ITIH6: variants seen among roughly 807,000 people sequenced by gnomAD.
ITIH6 encodes the protein inter-alpha-trypsin inhibitor heavy chain H6.
A neutral mutation model predicts 58.2 loss-of-function variants in ITIH6; 60 were observed. The observed-to-expected ratio is 1.03, with a 90% CI of 0.84 to 1.28. The LOEUF (loss-of-function observed/expected upper bound fraction) is 1.28. Among genes scored for constraint, ITIH6 ranks in the 50% most tolerant of loss-of-function variants. The pLI is 0.00. For missense variants in ITIH6, 1,290 were observed against 1,021.1 expected (o/e 1.26, Z -3.59); for synonymous variants, 493 against 417.4 (o/e 1.18, Z -2.21).
rs761084690 is a variant in ITIH6 at position 54,768,597 on chromosome X, A to C, written c.903+5484T>G. On this transcript the variant is annotated intron_variant, in intron 6 of 12. Coordinates refer to ENST00000218436, the MANE Select transcript of ITIH6 (RefSeq NM_198510.3). ...TTTAGGGCAGGCCTGGTGGTGACAA[A>C]ATCGGTCAGCATTTGCTTGTCTGTA... Among the ~76,000 whole-genome samples the C allele has an allele frequency of 4.6e-5, 5 of 108,211 alleles. No homozygotes were observed. The East Asian group carries it at 1.1e-3, about 25-fold the overall frequency. 94.0% of individuals were successfully genotyped at this position (108,211 alleles called of 115,157 possible). A position where few individuals can be genotyped will look rare whatever the true frequency, so the allele number is the denominator to read the frequency against.
intron 5 of ITIH6, among the ~76,000 whole-genome samples, chrX:54,782,330 C>T (rs902397691): frequency 6.3e-5 from 7 of 111,460 alleles, no homozygotes; most frequent in South Asian, 3.8e-4. Context: ...GCAGGAGAAT[C>T]GCTTGAACGC....
chrX:54,767,077 G>T (rs1027561146), intron 6 of ITIH6, among the ~76,000 whole-genome samples: 2 of 110,602 alleles, frequency 1.8e-5, no homozygotes, highest in African/African-American at 6.7e-5. Flanking sequence ...TCCTGTTATT[G>T]GTCTATTCAG....
At chrX:54,781,110 TAAACGTA>T (rs1231743927) in intron 5 of ITIH6, among the ~76,000 whole-genome samples, 2 of 111,367 alleles carry the variant, frequency 1.8e-5, no homozygotes, top group African/African-American at 6.5e-5. Context: ...TTTAAAAACT[TAAACGTA>T]AAACCCAAAA....
intron 6 of ITIH6, among the ~76,000 whole-genome samples, chrX:54,769,116 C>T (rs1175384869): frequency 1.1e-5 from 1 of 93,447 alleles, no homozygotes; most frequent in African/African-American, 4.2e-5. Flanking sequence ...CTTCTCGCTT[C>T]ATTTCATTCA....
intron 9 of ITIH6, 113 bp from the exon 10 acceptor site, chrX:54,754,078 T>C: frequency 1.3e-6 from 1 of 755,098 alleles, no homozygotes; most frequent in South Asian, 2.5e-5. Context: ...ATTTAAGGCT[T>C]TTCTGAAATC....
In ITIH6 at chrX:54,758,726, G is replaced by A. The variant is rs746734650; in HGVS notation, c.1348C>T (p.Arg450Trp). ...GCATCAGTGTCCTCATATATGCGCC[G>A]GGCTATTCCCCGGTTTTCCAGGGAC... is the stretch of plus-strand genomic sequence containing the variant. Reference protein sequence around the residue: ...RLSLENRGIARRIYEDTDAAL... With the variant: ...RLSLENRGIAWRIYEDTDAAL... Residue 450 changes from arginine (R) to tryptophan (W), a missense_variant, in exon 8 of 13, where the codon CGG becomes TGG. Arg to Trp is a moderately radical substitution (Grantham distance 101). Transcript: ENST00000218436. The A allele has an allele frequency of 1.2e-5, 15 of 1,211,239 alleles. No individual in the cohort carries two copies. The South Asian group carries it at 2.3e-4, about 18-fold the overall frequency.
At chrX:54,769,922 C>G (rs370023464) in intron 6 of ITIH6, among the ~76,000 whole-genome samples, 1,963 of 103,256 alleles carry the variant, frequency 0.019, 56 homozygotes, top group African/African-American at 0.067. Flanking sequence ...TCGAGCTTCC[C>G]GGCTGCTTTG....
At chrX:54,785,822 C>T (rs1929232895) in intron 5 of ITIH6, among the ~76,000 whole-genome samples, 1 of 111,652 alleles carries the variant, frequency 9.0e-6, no homozygotes, top group African/African-American at 3.3e-5. Context: ...GATGGGGCAG[C>T]TGAGGGTATC....
intron 5 of ITIH6, among the ~76,000 whole-genome samples, chrX:54,788,151 G>C (rs937134428): frequency 8.9e-6 from 1 of 111,904 alleles, no homozygotes; most frequent in Non-Finnish European, 1.9e-5. Context: ...TGCAGAACGC[G>C]TGAGAATCCA....
intron 12 of ITIH6, among the ~76,000 whole-genome samples, chrX:54,750,440 CTT>C: frequency 1.8e-5 from 2 of 111,356 alleles, no homozygotes; most frequent in Middle Eastern, 9.2e-3. Context: ...CACTGTCACT[CTT>C]TGATGTGAGC....
Position 54,754,804 on chromosome X carries a change from G to T in ITIH6, c.3202+213C>A, listed in dbSNP as rs1477416982. 3.6e-5 allele frequency among the ~76,000 whole-genome samples: 4 copies of T among 112,312 alleles called. No homozygotes were observed. In the East Asian group the frequency reaches 8.4e-4, roughly 23 times the overall value. ...TCAATCTTGTGAGATCCTGAGCAGA[G>T]AATCTAACTAAGCTATTTCTAGACT... On this transcript the variant is annotated intron_variant, in intron 9 of 12. Transcript: ENST00000218436.
In ITIH6 at chrX:54,757,336, C is replaced by A; in HGVS notation, c.2738G>T (p.Gly913Val). The change falls in exon 8 of 13, where the codon GGT becomes GTT. Residue 913 changes from glycine to valine, a missense_variant. Gly to Val is a moderately radical substitution (Grantham distance 109). Transcript: ENST00000218436. ...TFPNTISSST[G>V]PSSTTTTSVL... is the part of the protein sequence containing the mutation. Reference sequence around the variant, plus strand: ...AGAGGTGGTTGTGGTACTGCTGGGACCTGTGGAACTTGAGATTGTATTTGG... The same window carrying A: ...AGAGGTGGTTGTGGTACTGCTGGGAACTGTGGAACTTGAGATTGTATTTGG... The A allele has an allele frequency of 8.3e-7, 1 of 1,202,760 alleles. No homozygotes were observed. Among genetic ancestry groups the A allele is most frequent in the Non-Finnish European group, 1.1e-6 (1 of 890,799 alleles).
rs748866084 is a variant in ITIH6 at position 54,757,790 on chromosome X, G to T, written c.2284C>A (p.Pro762Thr). The change falls in exon 8 of 13, where the codon CCT becomes ACT. Residue 762 changes from proline to threonine, a missense_variant. By Grantham distance (38) the Pro-to-Thr change is conservative. Transcript: ENST00000218436. The stretch of plus-strand genomic sequence containing the variant: ...GAGGCTGGGATGCCAGGTTTCACAG[G>T]TGGGACTTGTGTCCTGGAGTTCGTG... ...LPTNSRTQVPPVKPGIPASPK... is the reference protein window; with the variant it reads ...LPTNSRTQVPTVKPGIPASPK... 4 of 1,211,276 alleles carry T rather than the reference G, an allele frequency of 3.3e-6. No individual in the cohort carries two copies. The Admixed American group carries it at 8.7e-5, about 26-fold the overall frequency.
Position 54,751,243 on chromosome X carries a change from T to TC in ITIH6, c.3489_3490insG (p.Ile1164AspfsTer43), listed in dbSNP as rs752167318. ...AAGGTACCCTCGCCTCGCAAAGATA[T>TC]AGAACTGCGGCTGATGGTGATAGTA... is the stretch of plus-strand genomic sequence containing the variant. On this transcript the variant is annotated frameshift_variant, in exon 12 of 13. Coordinates refer to ENST00000218436, the MANE Select transcript of ITIH6 (RefSeq NM_198510.3). LOFTEE classifies it high-confidence loss of function. The TC allele has an allele frequency of 8.3e-6, 10 of 1,210,084 alleles. No homozygotes were observed. The highest frequency in any genetic ancestry group is 3.4e-6 in the Non-Finnish European group (3 of 895,197).
rs1351053668 is a variant in ITIH6, at chrX:54,755,009, T to G, written c.3202+8A>C. 1 of 1,188,777 alleles carries G rather than the reference T, an allele frequency of 8.4e-7. No individual in the cohort carries two copies. Among genetic ancestry groups the G allele is most frequent in the Admixed American group, 2.2e-5 (1 of 45,911 alleles). On this transcript the variant is annotated splice_region_variant and intron_variant, in intron 9 of 12. Transcript: ENST00000218436. The stretch of plus-strand genomic sequence containing the variant: ...AGGGGATCTTTGTCAGGAGAGCTCC[T>G]TGCTCACCTTTTGCTAACCCCACAG...
At chrX:54,760,439 G>A (rs948193573) in intron 6 of ITIH6, among the ~76,000 whole-genome samples, 2 of 111,082 alleles carry the variant, frequency 1.8e-5, no homozygotes, top group African/African-American at 6.5e-5. Flanking sequence ...ATGATCCCAG[G>A]TCTCTTTTTT....
intron 8 of ITIH6, among the ~76,000 whole-genome samples, chrX:54,755,662 A>G (rs1448105117): frequency 3.6e-5 from 4 of 109,704 alleles, no homozygotes; most frequent in Non-Finnish European, 5.7e-5. Context: ...TGAAGCAGAG[A>G]CAGTAGCTTG....
At chrX:54,760,315 T>C (rs767557838) in intron 6 of ITIH6, among the ~76,000 whole-genome samples, 1 of 111,740 alleles carries the variant, frequency 8.9e-6, no homozygotes, top group African/African-American at 3.2e-5. Context: ...GAAAGTCATA[T>C]TGGACACTGG....
chrX:54,784,497 A>G (rs1220864047), intron 5 of ITIH6, among the ~76,000 whole-genome samples: 2 of 112,223 alleles, frequency 1.8e-5, no homozygotes, highest in Non-Finnish European at 3.8e-5. Context: ...TCCATAGGAA[A>G]AAAATCTAAA....
Sources: gnomAD v4.1 joint callset for allele counts (sites outside exome capture counted in the v4.1 genomes callset) on GRCh38, gnomAD v4.1.1 for gene constraint, MANE v1.5 for transcripts, NCBI Gene and HGNC (gene_info 2026-07-23, HGNC 2026-07-21) for gene names.